EIF5B: variants seen among roughly 807,000 people sequenced by gnomAD.
EIF5B encodes eukaryotic translation initiation factor 5B, also known as eIF-5B.
A neutral mutation model predicts 147.5 loss-of-function variants in EIF5B; 47 were observed. That is an observed-to-expected ratio of 0.32 (90% CI 0.25 to 0.41). The LOEUF is 0.41. Ranked by LOEUF, EIF5B falls within the 10% of genes least tolerant of loss-of-function variation. The probability of loss-of-function intolerance (pLI) is 1.00; values close to 1 mark genes in which losing one functional copy is unlikely to be tolerated. For synonymous variants in EIF5B, 455 were observed against 456.2 expected (o/e 1.00, Z 0.03); for missense variants, 1,064 against 1,413.2 (o/e 0.75, Z 3.96).
intron 1 of EIF5B, among the ~76,000 whole-genome samples, chr2:99,341,731 T>G (rs184953400): frequency 6.6e-6 from 1 of 152,296 alleles, no homozygotes; most frequent in East Asian, 1.9e-4. Flanking sequence ...CTTCAAATAT[T>G]TAATTTAAAA....
At chr2:99,343,492 G>A (rs534939543) in intron 1 of EIF5B, among the ~76,000 whole-genome samples, 1 of 152,070 alleles carries the variant, frequency 6.6e-6, no homozygotes, top group Admixed American at 6.6e-5. Flanking sequence ...CAAATCCAGG[G>A]TCGTGAAGAT....
At position 99,376,408 on chromosome 2, in the gene EIF5B, A is replaced by G. The variant is rs750839186; in HGVS notation, c.1614A>G (p.Glu538=). ...KENPEEEEEE[E]EEEEEDEESE... is the part of the protein sequence containing the mutation. ...ACCCTGAAGAGGAGGAGGAGGAGGA[A>G]GAAGAGGAAGAAGAAGATGAAGAAA... Residue 538 remains glutamate, a synonymous_variant, in exon 10 of 24, where the codon GAA becomes GAG. Coordinates refer to ENST00000289371, the MANE Select transcript of EIF5B (RefSeq NM_015904.4). 3.9e-6 allele frequency: 6 copies of G among 1,554,934 alleles called. No individual in the cohort carries two copies. Among genetic ancestry groups the G allele is most frequent in the African/African-American group, 1.4e-5 (1 of 72,928 alleles).
At chr2:99,352,088 G>A (rs1673978152) in intron 1 of EIF5B, among the ~76,000 whole-genome samples, 1 of 152,104 alleles carries the variant, frequency 6.6e-6, no homozygotes, top group African/African-American at 2.4e-5. Context: ...TTATGTGTCT[G>A]TTCAATCATT....
At position 99,372,996 on chromosome 2, in the gene EIF5B, C is replaced by A. The variant is rs186904490; in HGVS notation, c.1552+1266C>A. Among the ~76,000 whole-genome samples, 18 of 152,068 alleles carry A rather than the reference C, an allele frequency of 1.2e-4. No homozygotes were observed. In the East Asian group the frequency reaches 3.5e-3, roughly 29 times the overall value. ...CATGATTGTAGATTGTCTATTTCTC[C>A]TGAGTTCTGTTAATTTTTGCTTTAT... On this transcript the variant is annotated intron_variant, in intron 9 of 23. Transcript: ENST00000289371.
chr2:99,339,307 CT>C (rs893900002), intron 1 of EIF5B, among the ~76,000 whole-genome samples: 8 of 152,132 alleles, frequency 5.3e-5, no homozygotes, highest in Non-Finnish European at 5.9e-5. Context: ...TCCATCGCCC[CT>C]GGCCCCCACC....
chr2:99,347,513 T>A (rs2094275847), intron 1 of EIF5B, among the ~76,000 whole-genome samples: 1 of 152,068 alleles, frequency 6.6e-6, no homozygotes, highest in South Asian at 2.1e-4. Flanking sequence ...CAGTTTTTTT[T>A]TTTTTTAACA....
chr2:99,387,362 G>T (rs929536187), intron 14 of EIF5B, among the ~76,000 whole-genome samples: 2 of 151,928 alleles, frequency 1.3e-5, no homozygotes, highest in Admixed American at 6.6e-5. Context: ...TGAGGTCAGG[G>T]TTTACTTTTT....
At chr2:99,367,744 T>C (rs981275730) in intron 6 of EIF5B, among the ~76,000 whole-genome samples, 3 of 152,124 alleles carry the variant, frequency 2.0e-5, no homozygotes, top group Admixed American at 6.5e-5. Flanking sequence ...CGTGAGCCAT[T>C]GCGCCTGGCC....
chr2:99,382,071 T>G lies in EIF5B; in HGVS notation c.2062-88T>G, dbSNP rs867604983. 1.4e-5 allele frequency: 16 copies of G among 1,124,650 alleles called. No homozygotes were observed. In the African/African-American group the frequency reaches 2.2e-4, roughly 15 times the overall value. The allele number at this position is 1,124,650 out of a possible 1,614,324, so 69.7% of individuals were successfully genotyped here. On this transcript the variant is annotated intron_variant, in intron 12 of 23. Transcript: ENST00000289371. The stretch of plus-strand genomic sequence containing the variant: ...TATGGAAAAGGGAGTAGTGATACTT[T>G]CAGAGTTTTATGGCAAAAGGATTGT...
chr2:99,354,181 C>G (rs1376004395), intron 1 of EIF5B, among the ~76,000 whole-genome samples: 1 of 152,192 alleles, frequency 6.6e-6, no homozygotes, highest in Non-Finnish European at 1.5e-5. Flanking sequence ...TCCTTTCTAT[C>G]CTTACCAGTA....
Position 99,387,225 on chromosome 2 carries a change from G to A in EIF5B, c.2272-2493G>A, listed in dbSNP as rs957928845. ...GCCTGGCCCCAATTAATTTTTTTAC[G>A]ATTTGTGTTCTATGTAAGTAATCTT... is the stretch of plus-strand genomic sequence containing the variant. On this transcript the variant is annotated intron_variant, in intron 14 of 23. Transcript: ENST00000289371. Among the ~76,000 whole-genome samples, 5 of 151,998 alleles carry A rather than the reference G, an allele frequency of 3.3e-5. No homozygotes were observed. In the East Asian group the frequency reaches 7.7e-4, roughly 23 times the overall value.
chr2:99,358,969 A>G (rs1440006341), intron 1 of EIF5B, among the ~76,000 whole-genome samples: 1 of 152,198 alleles, frequency 6.6e-6, no homozygotes, highest in African/African-American at 2.4e-5. Flanking sequence ...TGTCTTCCCT[A>G]TTAAGCGCCT....
At chr2:99,381,236 G>T (rs1459055350) in intron 12 of EIF5B, among the ~76,000 whole-genome samples, 1 of 152,136 alleles carries the variant, frequency 6.6e-6, no homozygotes, top group African/African-American at 2.4e-5. Flanking sequence ...TCCACCAGTT[G>T]CCAGAACTTG....
At chr2:99,370,672 G>C (rs1674428211) in intron 8 of EIF5B, among the ~76,000 whole-genome samples, 1 of 152,202 alleles carries the variant, frequency 6.6e-6, no homozygotes, top group South Asian at 2.1e-4. Flanking sequence ...AGGCTTGTTA[G>C]TAAATAATGA....
chr2:99,347,508 T>G (rs1052262620), intron 1 of EIF5B, among the ~76,000 whole-genome samples: 2 of 151,720 alleles, frequency 1.3e-5, no homozygotes, highest in Non-Finnish European at 2.9e-5. Flanking sequence ...TTTTTCAGTT[T>G]TTTTTTTTTT....
chr2:99,348,324 T>G (rs1165143384), intron 1 of EIF5B, among the ~76,000 whole-genome samples: 3 of 152,202 alleles, frequency 2.0e-5, no homozygotes, highest in Admixed American at 6.5e-5. Context: ...GCTTATTGAT[T>G]GTAGTACTTG....
At chr2:99,365,983 A>C (rs969242881) in intron 6 of EIF5B, among the ~76,000 whole-genome samples, 1 of 152,204 alleles carries the variant, frequency 6.6e-6, no homozygotes, top group Non-Finnish European at 1.5e-5. Flanking sequence ...CTAAAAATGT[A>C]CTCTCAGAGA....
chr2:99,347,806 A>T (rs1488136013), intron 1 of EIF5B, among the ~76,000 whole-genome samples: 1 of 152,112 alleles, frequency 6.6e-6, no homozygotes, highest in Non-Finnish European at 1.5e-5. Context: ...TTTTTCATCA[A>T]CCGGAAACAA....
intron 14 of EIF5B, 107 bp from the exon 15 acceptor site, chr2:99,389,611 T>C: frequency 1.2e-6 from 1 of 844,178 alleles, no homozygotes; most frequent in South Asian, 2.9e-5. Context: ...TAAGTCACAC[T>C]GTTCTGTATA....
Sources: allele counts gnomAD v4.1 joint callset (sites outside exome capture counted in the v4.1 genomes callset), GRCh38; gene constraint gnomAD v4.1.1; transcripts MANE v1.5; gene names NCBI Gene and HGNC (gene_info 2026-07-23, HGNC 2026-07-21).